Variants in BDP1 observed in about 807,000 individuals in gnomAD.
BDP1 encodes transcription factor TFIIIB component B'' homolog.
BDP1 carries 169 observed loss-of-function variants against 266.6 expected under a neutral mutation model. That is an observed-to-expected ratio of 0.63 (90% CI 0.56 to 0.72). The LOEUF (loss-of-function observed/expected upper bound fraction) is 0.72. Among genes scored for constraint, BDP1 ranks in the 30% least tolerant of loss-of-function variants. The pLI is 0.00. For synonymous variants in BDP1, 1,090 were observed against 1,022.4 expected, an observed-to-expected ratio of 1.07 and a Z score of -1.26; for missense variants, 3,015 against 3,053.8, an observed-to-expected ratio of 0.99 and a Z score of 0.30.
chr5:71,478,147 G>A (rs1233806550), intron 7 of BDP1, among the ~76,000 whole-genome samples: 8 of 152,186 alleles, frequency 5.3e-5, no homozygotes, highest in African/African-American at 1.9e-4. Flanking sequence ...CTACTCGGGA[G>A]GCTGAGGCAG....
chr5:71,513,091 A>T (rs13156836), intron 18 of BDP1, 94 bp from the exon 19 acceptor site: 10 of 733,858 alleles, frequency 1.4e-5, no homozygotes, highest in Admixed American at 9.1e-5. Flanking sequence ...AAAAAAAATT[A>T]AATGTTTACC....
At chr5:71,476,954 C>T (rs901444332) in intron 7 of BDP1, among the ~76,000 whole-genome samples, 15 of 152,010 alleles carry the variant, frequency 9.9e-5, no homozygotes, top group Admixed American at 2.0e-4. Context: ...CTGCCCACCT[C>T]GGCCTCCCAA....
intron 2 of BDP1, among the ~76,000 whole-genome samples, chr5:71,461,563 A>G (rs1029353137): frequency 1.3e-5 from 2 of 152,124 alleles, no homozygotes; most frequent in African/African-American, 4.8e-5. Flanking sequence ...GCAGTGAGCT[A>G]TGATTGCGCC....
At position 71,522,426 on chromosome 5, in the gene BDP1, A is replaced by G. The variant is rs1425505781; in HGVS notation, c.5129A>G (p.Lys1710Arg). 4 of 1,613,820 alleles carry G rather than the reference A, an allele frequency of 2.5e-6. No homozygotes were observed. Among genetic ancestry groups the G allele is most frequent in the Non-Finnish European group, 2.5e-6 (3 of 1,179,994 alleles). Residue 1710 changes from lysine (K) to arginine (R), a missense_variant, in exon 23 of 39, where the codon AAG (lysine) becomes AGG (arginine). Physicochemically the swap from Lys to Arg is conservative, Grantham distance 26 (BLOSUM62 2). Around this residue, in one of 3 missense-constraint regions of BDP1, gnomAD observed 2,383 missense variants for 2,404.9 expected, o/e 0.99. Transcript: ENST00000358731. The part of the protein sequence containing the change: ...VLEKVTTDQS[K>R]EGKPEDHLLQ... ...GAAAAAGTCACAACAGATCAGAGCA[A>G]GGAAGGCAAGCCAGAAGATCATTTG...
chr5:71,513,411 A>C lies in BDP1; in HGVS notation c.4470+4A>C, dbSNP rs1428995300. ...TGATACTCTCCCTTCTCAACATGTG[A>C]GTGTATTTGAGATGGAAGTTCTGTG... On this transcript the variant is annotated splice_donor_region_variant and intron_variant, in intron 19 of 38. Coordinates refer to ENST00000358731, the MANE Select transcript of BDP1 (RefSeq NM_018429.3). 1 of 1,500,648 alleles carries C rather than the reference A, an allele frequency of 6.7e-7. No homozygotes were observed. The highest frequency in any genetic ancestry group is 1.4e-5 in the African/African-American group (1 of 70,208). 93.0% of individuals were successfully genotyped at this position (1,500,648 alleles called of 1,614,324 possible). A position where few individuals can be genotyped will look rare whatever the true frequency, so the allele number is the denominator to read the frequency against.
In BDP1 at chr5:71,456,170, A is replaced by G. The variant is rs1429706074; in HGVS notation, c.212+81A>G. Reference sequence around the variant, plus strand: ...CCTGGAAGCTGAGCAAATGAATTTTATCACAGGAGTCCGCTCTCGTTTGCA... The same window carrying G: ...CCTGGAAGCTGAGCAAATGAATTTTGTCACAGGAGTCCGCTCTCGTTTGCA... On this transcript the variant is annotated intron_variant, in intron 1 of 38. Coordinates refer to ENST00000358731, the MANE Select transcript of BDP1 (RefSeq NM_018429.3). The G allele has an allele frequency of 4.5e-6, 6 of 1,336,440 alleles. No individual in the cohort carries two copies. The African/African-American group carries it at 5.8e-5, about 13-fold the overall frequency. 82.8% of individuals were successfully genotyped at this position (1,336,440 alleles called of 1,614,324 possible).
At chr5:71,512,863 T>C (rs997058941) in intron 18 of BDP1, among the ~76,000 whole-genome samples, 1 of 151,944 alleles carries the variant, frequency 6.6e-6, no homozygotes, top group Non-Finnish European at 1.5e-5. Context: ...GAGACCAGCC[T>C]GGGCAACACG....
In BDP1 at chr5:71,539,561, C is replaced by A; in HGVS notation, c.5934C>A (p.Thr1978=). ...TSEHIQDEPG[T]NDGSTEAAIT... is the part of the protein sequence containing the mutation. ...GTTGATATATTTCCTCACAAGGTAC[C>A]AATGATGGAAGCACCGAAGCTGCAA... is the stretch of plus-strand genomic sequence containing the variant. The change falls in exon 28 of 39, where the codon ACC becomes ACA. Residue 1978 remains threonine, a synonymous_variant. Coordinates refer to ENST00000358731, the MANE Select transcript of BDP1 (RefSeq NM_018429.3). The A allele has an allele frequency of 6.2e-7, 1 of 1,604,764 alleles. No homozygotes were observed. The highest frequency in any genetic ancestry group is 1.1e-5 in the South Asian group (1 of 90,266).
At position 71,531,864 on chromosome 5, in the gene BDP1, A is replaced by G. The variant is rs567972827; in HGVS notation, c.5773-444A>G. ...TTATAGATAGCATTTATGACCGTATATAATTAGTTGATTACATGTCTGCTT... is the reference window on the plus strand; with the variant it reads ...TTATAGATAGCATTTATGACCGTATGTAATTAGTTGATTACATGTCTGCTT... On this transcript the variant is annotated intron_variant, in intron 25 of 38. Transcript: ENST00000358731. Among the ~76,000 whole-genome samples, 14 of 152,300 alleles carry G rather than the reference A, an allele frequency of 9.2e-5. No individual in the cohort carries two copies. The South Asian group carries it at 2.7e-3, about 29-fold the overall frequency.
At chr5:71,519,156 C>T (rs1450020638) in intron 22 of BDP1, among the ~76,000 whole-genome samples, 1 of 152,028 alleles carries the variant, frequency 6.6e-6, no homozygotes, top group Non-Finnish European at 1.5e-5. Context: ...AGCCCCTCCC[C>T]CTGCTTTTTG....
intron 28 of BDP1, among the ~76,000 whole-genome samples, chr5:71,541,070 C>T (rs939808130): frequency 6.6e-6 from 1 of 152,258 alleles, no homozygotes; most frequent in South Asian, 2.1e-4. Flanking sequence ...CTGTCAAAAA[C>T]ATATAGAACA....
rs956649080 is a variant in BDP1 at position 71,564,964 on chromosome 5, A to C, written c.*79A>C. ...ATTACATCAACAAAACAGTATTTAGAGCAAAATATCACTGTCTTATTTTTC... is the reference window on the plus strand; with the variant it reads ...ATTACATCAACAAAACAGTATTTAGCGCAAAATATCACTGTCTTATTTTTC... On this transcript the variant is annotated 3_prime_UTR_variant, in exon 39 of 39. Coordinates refer to ENST00000358731, the MANE Select transcript of BDP1 (RefSeq NM_018429.3). 1.5e-5 allele frequency: 20 copies of C among 1,295,800 alleles called. No individual in the cohort carries two copies. Among genetic ancestry groups the C allele is most frequent in the Non-Finnish European group, 2.0e-5 (19 of 939,988 alleles). 80.3% of individuals were successfully genotyped at this position (1,295,800 alleles called of 1,614,324 possible).
intron 22 of BDP1, among the ~76,000 whole-genome samples, chr5:71,520,717 A>C (rs976144214): frequency 3.3e-5 from 5 of 151,042 alleles, no homozygotes; most frequent in African/African-American, 1.2e-4. Context: ...GAATAAATGA[A>C]GAAAAAAATG....
intron 22 of BDP1, among the ~76,000 whole-genome samples, chr5:71,520,288 T>C (rs1419257797): frequency 1.3e-5 from 2 of 152,216 alleles, no homozygotes; most frequent in Non-Finnish European, 2.9e-5. Flanking sequence ...CCCTGTGCTA[T>C]GCATTGAAAA....
chr5:71,568,713 C>T (rs1050597267), downstream of BDP1, among the ~76,000 whole-genome samples: 6 of 152,232 alleles, frequency 3.9e-5, no homozygotes, highest in African/African-American at 9.6e-5. Flanking sequence ...ATTTACCTCC[C>T]AACCTCTTAT....
intron 11 of BDP1, among the ~76,000 whole-genome samples, chr5:71,492,127 A>G (rs1361645030): frequency 6.6e-6 from 1 of 152,204 alleles, no homozygotes. Flanking sequence ...AGCAAATAAT[A>G]TTCTAGTACA....
chr5:71,455,874 C>T lies in BDP1; in HGVS notation c.-4C>T, dbSNP rs1030645198. 1.3e-6 allele frequency: 2 copies of T among 1,570,784 alleles called. No individual in the cohort carries two copies. Among genetic ancestry groups the T allele is most frequent in the Non-Finnish European group, 1.7e-6 (2 of 1,158,120 alleles). Reference sequence around the variant, plus strand: ...GCTGCCTCCCCGGGCCCCCTGCCTCCGCCATGTTCCGCAGGGCACGCCTTA... The same window carrying T: ...GCTGCCTCCCCGGGCCCCCTGCCTCTGCCATGTTCCGCAGGGCACGCCTTA... On this transcript the variant is annotated 5_prime_UTR_variant, in exon 1 of 39. Transcript: ENST00000358731.
intron 11 of BDP1, among the ~76,000 whole-genome samples, chr5:71,493,716 GAGTAACTA>G: frequency 6.6e-6 from 1 of 152,312 alleles, no homozygotes; most frequent in African/African-American, 2.4e-5. Flanking sequence ...TTTCGAGCTA[GAGTAACTA>G]AAGCAGCATG....
In BDP1 at chr5:71,510,354, G is replaced by C. The variant is rs760872473; in HGVS notation, c.3262G>C (p.Glu1088Gln). ...GGTGATTGATGCCATTGAGGAAATA[G>C]AGATAGATTTGGAAGAAACTGAAAG... ...PEVIDAIEEIEIDLEETEREI... is the reference protein window; with the variant it reads ...PEVIDAIEEIQIDLEETEREI... The change falls in exon 17 of 39, where the codon GAG becomes CAG. Residue 1088 changes from glutamate to glutamine, a missense_variant. This residue lies in a region of BDP1 where 2,383 missense variants were observed against 2,404.9 expected (regional missense o/e 0.99). Transcript: ENST00000358731. The C allele has an allele frequency of 4.3e-6, 7 of 1,613,994 alleles. No homozygotes were observed. In the South Asian group the frequency reaches 5.5e-5, roughly 13 times the overall value.
Sources: allele counts gnomAD v4.1 joint callset (sites outside exome capture counted in the v4.1 genomes callset), GRCh38; gene constraint gnomAD v4.1.1; regional missense constraint gnomAD v4.1.1; transcripts MANE v1.5; gene names NCBI Gene and HGNC (gene_info 2026-07-23, HGNC 2026-07-21).